PKIG: variants seen among roughly 807,000 people sequenced by gnomAD.
PKIG encodes the protein cAMP-dependent protein kinase inhibitor gamma.
PKIG carries 1 observed loss-of-function variant against 6.8 expected under a neutral mutation model. The ratio of observed to expected loss-of-function variants is 0.15; its 90% CI spans 0.05 to 0.69. The LOEUF (loss-of-function observed/expected upper bound fraction) is 0.69, where lower values mean the gene tolerates loss of function less well. PKIG is among the 30% of genes least tolerant of loss of function. The pLI is 0.82. For synonymous variants in PKIG, 39 were observed against 43.0 expected (o/e 0.91, Z 0.36); for missense variants, 77 against 104.0 (o/e 0.74, Z 1.13).
chr20:44,610,174 G>T (rs1220074026), intron 2 of PKIG, among the ~76,000 whole-genome samples: 1 of 152,204 alleles, frequency 6.6e-6, no homozygotes, highest in African/African-American at 2.4e-5. Flanking sequence ...GCCATCTGCT[G>T]TAGCCGGGGG....
chr20:44,566,786 C>T lies in PKIG; in HGVS notation c.-240-15799C>T, dbSNP rs929659672. 2.1e-4 allele frequency among the ~76,000 whole-genome samples: 32 copies of T among 152,188 alleles called. 1 individual carries two copies. The highest frequency in any genetic ancestry group is 7.5e-4 in the African/African-American group (31 of 41,434). ...GCTTGAACCCAGAAGGTAGAGGTTA[C>T]AGTGAGCCAAGATTGTACTACTGTA... On this transcript the variant is annotated intron_variant, in intron 1 of 4. Transcript: ENST00000372887.
At chr20:44,558,574 T>TCTTTCTTTCTTTCTTTC (rs1555835144) in intron 1 of PKIG, among the ~76,000 whole-genome samples, 2 of 131,900 alleles carry the variant, frequency 1.5e-5, no homozygotes, top group African/African-American at 3.1e-5. Flanking sequence ...TTTTTTTCTT[T>TCTTTCTTTCTTTCTTTC]TTTCTTTCTT....
intron 2 of PKIG, among the ~76,000 whole-genome samples, chr20:44,596,869 A>G (rs923300853): frequency 6.6e-6 from 1 of 152,176 alleles, no homozygotes; most frequent in Non-Finnish European, 1.5e-5. Context: ...TCAAAGTCAG[A>G]GCAAAATTTA....
chr20:44,587,470 A>G (rs2064999523), intron 1 of PKIG, among the ~76,000 whole-genome samples: 1 of 152,202 alleles, frequency 6.6e-6, no homozygotes, highest in African/African-American at 2.4e-5. Context: ...TACAAAATGT[A>G]TGGGCCCCAC....
At chr20:44,599,104 T>C (rs2065098689) in intron 2 of PKIG, among the ~76,000 whole-genome samples, 1 of 152,204 alleles carries the variant, frequency 6.6e-6, no homozygotes, top group African/African-American at 2.4e-5. Context: ...GACAGCCTTG[T>C]ACTATGTTTT....
At chr20:44,599,301 G>C (rs1232724542) in intron 2 of PKIG, among the ~76,000 whole-genome samples, 1 of 152,180 alleles carries the variant, frequency 6.6e-6, no homozygotes, top group Non-Finnish European at 1.5e-5. Context: ...CTGGCTCCAA[G>C]CTCCCTAACC....
At chr20:44,566,941 C>T (rs1477866883) in intron 1 of PKIG, among the ~76,000 whole-genome samples, 1 of 152,222 alleles carries the variant, frequency 6.6e-6, no homozygotes, top group Non-Finnish European at 1.5e-5. Context: ...CATGAATAGG[C>T]ATGTTCCATT....
At chr20:44,554,815 A>G (rs1365670411) in intron 1 of PKIG, among the ~76,000 whole-genome samples, 1 of 152,208 alleles carries the variant, frequency 6.6e-6, no homozygotes, top group Non-Finnish European at 1.5e-5. Flanking sequence ...GTTTGAAGAA[A>G]GTCTTCTGAA....
rs2064523525 is a variant in PKIG, at chr20:44,537,534, T to C, written c.-241+5556T>C. 2.0e-5 allele frequency among the ~76,000 whole-genome samples: 3 copies of C among 151,332 alleles called. No homozygotes were observed. In the South Asian group the frequency reaches 6.3e-4, roughly 32 times the overall value. On this transcript the variant is annotated intron_variant, in intron 1 of 4. Coordinates refer to the PKIG transcript ENST00000372887. ...CAGGCGTGAGCCACCGTGCCCTGCC[T>C]GTGTTCAGTTTTATCTCAATAACAC...
At chr20:44,564,072 G>A (rs2064790420) in intron 1 of PKIG, 1 of 152,134 alleles carries the variant, frequency 6.6e-6, no homozygotes, top group Non-Finnish European at 1.5e-5. Flanking sequence ...AATATGCCAT[G>A]TGTTTTTCCA....
intron 1 of PKIG, among the ~76,000 whole-genome samples, chr20:44,544,093 T>C (rs2064588616): frequency 6.6e-6 from 1 of 151,530 alleles, no homozygotes; most frequent in Non-Finnish European, 1.5e-5. Context: ...GATTGTTCCT[T>C]AGAGTGAGAA....
chr20:44,535,133 A>G (rs2064500834), intron 1 of PKIG, among the ~76,000 whole-genome samples: 1 of 152,228 alleles, frequency 6.6e-6, no homozygotes, highest in Admixed American at 6.5e-5. Flanking sequence ...ATGAAAAATA[A>G]ATACTTAGAA....
chr20:44,609,529 C>CT (rs1205200946), intron 2 of PKIG, among the ~76,000 whole-genome samples: 1 of 152,218 alleles, frequency 6.6e-6, no homozygotes, highest in African/African-American at 2.4e-5. Flanking sequence ...TAGACACAAA[C>CT]TCCCTCTCCT....
chr20:44,595,044 T>C (rs984875721), intron 2 of PKIG, among the ~76,000 whole-genome samples: 8 of 152,178 alleles, frequency 5.3e-5, no homozygotes, highest in African/African-American at 1.9e-4. Flanking sequence ...CCAGGACTCT[T>C]TTTCTGGCCA....
intron 1 of PKIG, among the ~76,000 whole-genome samples, chr20:44,586,033 G>T (rs1600874689): frequency 6.6e-6 from 1 of 152,146 alleles, no homozygotes; most frequent in Non-Finnish European, 1.5e-5. Context: ...ATTGGAAAGG[G>T]ACAGCAGGTG....
chr20:44,614,590 A>T lies in PKIG; in HGVS notation c.34A>T (p.Ile12Phe), dbSNP rs1378290176. 1 of 1,614,080 alleles carries T rather than the reference A, an allele frequency of 6.2e-7. No individual in the cohort carries two copies. The highest frequency in any genetic ancestry group is 8.5e-7 in the Non-Finnish European group (1 of 1,180,020). ...MEVESSYSDFISCDRTGRRNA... is the reference protein window; with the variant it reads ...MEVESSYSDFFSCDRTGRRNA... ...GGTCGAGTCCTCCTACTCGGACTTCATCTCCTGTGACCGGACAGGCCGTCG... is the reference window on the plus strand; with the variant it reads ...GGTCGAGTCCTCCTACTCGGACTTCTTCTCCTGTGACCGGACAGGCCGTCG... The change falls in exon 3 of 4, where the codon ATC becomes TTC. Residue 12 changes from isoleucine (I) to phenylalanine (F), a missense_variant. Coordinates refer to ENST00000372886, the MANE Select transcript of PKIG (RefSeq NM_001281445.2). This position sits in a 1 kb window ranked among gnomAD's most constrained non-coding sequence, Gnocchi z 4.6.
chr20:44,557,178 C>T (rs910370517), intron 1 of PKIG, among the ~76,000 whole-genome samples: 1 of 152,082 alleles, frequency 6.6e-6, no homozygotes, highest in South Asian at 2.1e-4. Flanking sequence ...TTCAGCCTTT[C>T]CTGAACAGTA....
intron 1 of PKIG, among the ~76,000 whole-genome samples, chr20:44,567,270 C>T (rs545170461): frequency 6.6e-6 from 1 of 152,236 alleles, no homozygotes; most frequent in African/African-American, 2.4e-5. Context: ...CACCTGTGAC[C>T]CTAGGGTCTG....
intron 1 of PKIG, among the ~76,000 whole-genome samples, chr20:44,539,544 G>A (rs2064542392): frequency 6.6e-6 from 1 of 151,582 alleles, no homozygotes; most frequent in African/African-American, 2.4e-5. Flanking sequence ...TCAGCCTCCT[G>A]AGTAGCTGGG....
Sources: gnomAD v4.1 joint callset for allele counts (sites outside exome capture counted in the v4.1 genomes callset) on GRCh38, gnomAD v4.1.1 for gene constraint, Gnocchi (gnomAD v3.1) non-coding constraint, MANE v1.5 for transcripts, NCBI Gene and HGNC (gene_info 2026-07-23, HGNC 2026-07-21) for gene names.